Variants in USP15 observed in about 807,000 individuals in gnomAD.
The protein encoded by USP15 is ubiquitin specific peptidase 15, also known as ubiquitin carboxyl-terminal hydrolase 15.
A neutral mutation model predicts 127.1 loss-of-function variants in USP15; 18 were observed. That is an observed-to-expected ratio of 0.14 (90% confidence interval 0.10 to 0.21). The LOEUF is 0.21. Among genes scored for constraint, USP15 ranks in the 10% least tolerant of loss-of-function variants. The pLI, the probability that USP15 is intolerant of heterozygous loss-of-function variation, is 1.00. For missense variants in USP15, 805 were observed against 1,159.9 expected (o/e 0.69, Z 4.44); for synonymous variants, 364 against 393.7 (o/e 0.92, Z 0.89).
At position 62,384,147 on chromosome 12, in the gene USP15, G is replaced by A. The variant is rs1411420448; in HGVS notation, c.1318G>A (p.Gly440Ser). The A allele has an allele frequency of 4.3e-6, 7 of 1,612,712 alleles. No individual in the cohort carries two copies. The highest frequency in any genetic ancestry group is 5.9e-6 in the Non-Finnish European group (7 of 1,179,240). The change falls in exon 11 of 22, where the codon GGC becomes AGC. Residue 440 changes from glycine to serine, a missense_variant. Physicochemically the swap from Gly to Ser is moderately conservative, Grantham distance 56 (BLOSUM62 0). Coordinates refer to ENST00000280377, the MANE Select transcript of USP15 (RefSeq NM_001252078.2). ...TTCTATCATAGTAGATATATTTCAT[G>A]GCCTTTTCAAATCAACTTTAGTTTG... ...NDSIIVDIFH[G>S]LFKSTLVCPE...
intron 6 of USP15, 57 bp downstream of exon 6, chr12:62,325,990 A>G (rs1473364705): frequency 1.4e-6 from 2 of 1,445,364 alleles, no homozygotes; most frequent in East Asian, 4.6e-5. Context: ...TTGATGCTAG[A>G]TAATCAAATC....
chr12:62,312,419 A>G (rs1247851965), intron 3 of USP15: 1 of 158,120 alleles, frequency 6.3e-6, no homozygotes, highest in African/African-American at 2.4e-5. Context: ...TTCACAGCAA[A>G]AAATGAACAA....
chr12:62,326,285 C>T (rs1315152951), intron 6 of USP15, among the ~76,000 whole-genome samples: 2 of 151,896 alleles, frequency 1.3e-5, no homozygotes, highest in African/African-American at 4.8e-5. Context: ...CAAAATGAAT[C>T]TGATGTGAAA....
chr12:62,386,703 T>C (rs977588204), intron 11 of USP15, among the ~76,000 whole-genome samples: 1 of 152,108 alleles, frequency 6.6e-6, no homozygotes, highest in Non-Finnish European at 1.5e-5. Flanking sequence ...TTGATGCCAG[T>C]ATAGGAAGTT....
At chr12:62,385,807 G>A (rs2067130588) in intron 11 of USP15, among the ~76,000 whole-genome samples, 1 of 151,974 alleles carries the variant, frequency 6.6e-6, no homozygotes, top group Non-Finnish European at 1.5e-5. Context: ...TTATAACTTT[G>A]CAGATATACA....
intron 1 of USP15, among the ~76,000 whole-genome samples, chr12:62,280,665 A>C (rs2063623633): frequency 6.6e-6 from 1 of 152,102 alleles, no homozygotes; most frequent in South Asian, 2.1e-4. Context: ...TTTAACATTA[A>C]TTCTGGGGGA....
intron 6 of USP15, among the ~76,000 whole-genome samples, chr12:62,329,220 A>T (rs944108803): frequency 2.6e-5 from 4 of 152,142 alleles, no homozygotes; most frequent in Non-Finnish European, 5.9e-5. Context: ...AAAAATACAA[A>T]AATTAGCTGG....
In USP15 at chr12:62,366,379, G is replaced by A. The variant is rs1466574856; in HGVS notation, c.915+10904G>A. 2.0e-5 allele frequency among the ~76,000 whole-genome samples: 3 copies of A among 152,122 alleles called. No individual in the cohort carries two copies. In the East Asian group the frequency reaches 5.8e-4, roughly 29 times the overall value. On this transcript the variant is annotated intron_variant, in intron 8 of 21. Transcript: ENST00000280377. ...CTGTTATTGGTATATAGGAATGCTTGTGATTTTTGCACATTGATTTTGTAT... is the reference window on the plus strand; with the variant it reads ...CTGTTATTGGTATATAGGAATGCTTATGATTTTTGCACATTGATTTTGTAT...
intron 8 of USP15, among the ~76,000 whole-genome samples, chr12:62,358,243 A>G (rs1342935918): frequency 6.6e-6 from 1 of 152,138 alleles, no homozygotes; most frequent in African/African-American, 2.4e-5. Flanking sequence ...AGATAGTGAA[A>G]TCTTTTGACC....
chr12:62,291,873 G>C (rs2063980445), intron 1 of USP15, among the ~76,000 whole-genome samples: 1 of 152,182 alleles, frequency 6.6e-6, no homozygotes, highest in Non-Finnish European at 1.5e-5. Flanking sequence ...GGTAGCAGAG[G>C]TCTCAAGAAG....
chr12:62,368,294 G>A lies in USP15; in HGVS notation c.915+12819G>A, dbSNP rs137913161. Reference sequence around the variant, plus strand: ...GAAGAATGTATGTTTTGTTGATTTGGGGTGGAGAGTTCTGTAAATGTCTAT... The same window carrying A: ...GAAGAATGTATGTTTTGTTGATTTGAGGTGGAGAGTTCTGTAAATGTCTAT... On this transcript the variant is annotated intron_variant, in intron 8 of 21. Transcript: ENST00000280377. Among the ~76,000 whole-genome samples, 80 of 152,246 alleles carry A rather than the reference G, an allele frequency of 5.3e-4. 3 individuals carry two copies. The East Asian group carries it at 0.015, about 28-fold the overall frequency.
In USP15 at chr12:62,331,543, A is replaced by G. The variant is rs566285771; in HGVS notation, c.683+5610A>G. 2.0e-5 allele frequency among the ~76,000 whole-genome samples: 3 copies of G among 152,290 alleles called. No individual in the cohort carries two copies. The East Asian group carries it at 5.8e-4, about 29-fold the overall frequency. ...ATGAACAAGAAAATAGAAGAATATTACCACAAGTAGGCACACGTGAAACCA... is the reference window on the plus strand; with the variant it reads ...ATGAACAAGAAAATAGAAGAATATTGCCACAAGTAGGCACACGTGAAACCA... On this transcript the variant is annotated intron_variant, in intron 6 of 21. Coordinates refer to ENST00000280377, the MANE Select transcript of USP15 (RefSeq NM_001252078.2).
rs542537667 is a variant in USP15, at chr12:62,325,182, G to A, written c.622-690G>A. Among the ~76,000 whole-genome samples, 15 of 151,992 alleles carry A rather than the reference G, an allele frequency of 9.9e-5. No homozygotes were observed. The South Asian group carries it at 3.1e-3, about 31-fold the overall frequency. ...GGACGATATAAGGAAAGATTTTCGG[G>A]TGTTTTAAAATAAAGTATAGCTCTC... On this transcript the variant is annotated intron_variant, in intron 5 of 21. Transcript: ENST00000280377.
chr12:62,345,145 C>T (rs1163306532), intron 6 of USP15, among the ~76,000 whole-genome samples: 1 of 152,152 alleles, frequency 6.6e-6, no homozygotes, highest in Non-Finnish European at 1.5e-5. Flanking sequence ...ATTCTCCAAC[C>T]TTTTATGCTC....
chr12:62,269,887 T>C (rs2063305607), intron 1 of USP15, among the ~76,000 whole-genome samples: 1 of 152,096 alleles, frequency 6.6e-6, no homozygotes, highest in Non-Finnish European at 1.5e-5. Flanking sequence ...CCATTACAAG[T>C]TTTCATTTCT....
chr12:62,266,277 C>T (rs910054228), intron 1 of USP15, among the ~76,000 whole-genome samples: 12 of 152,060 alleles, frequency 7.9e-5, no homozygotes, highest in Non-Finnish European at 1.5e-4. Context: ...TATTTTGTTT[C>T]GGTACTTGGT....
intron 3 of USP15, among the ~76,000 whole-genome samples, chr12:62,304,205 G>C (rs562006306): frequency 1.3e-5 from 2 of 152,110 alleles, no homozygotes; most frequent in Admixed American, 6.5e-5. Flanking sequence ...GAGAGTTCTT[G>C]AAACCTGTGT....
At chr12:62,385,972 C>A (rs1031360645) in intron 11 of USP15, among the ~76,000 whole-genome samples, 1 of 151,990 alleles carries the variant, frequency 6.6e-6, no homozygotes, top group African/African-American at 2.4e-5. Context: ...TCAATAGTGG[C>A]AAATTGCATT....
At chr12:62,307,339 G>T (rs1477174484) in intron 3 of USP15, among the ~76,000 whole-genome samples, 2 of 152,200 alleles carry the variant, frequency 1.3e-5, no homozygotes, top group East Asian at 3.9e-4. Context: ...GGCAAGGGTA[G>T]AACTGAGTTC....
Sources: allele counts gnomAD v4.1 joint callset (sites outside exome capture counted in the v4.1 genomes callset), GRCh38; gene constraint gnomAD v4.1.1; transcripts MANE v1.5; gene names NCBI Gene and HGNC (gene_info 2026-07-23, HGNC 2026-07-21).